The following MTSS1 variants were observed in gnomAD, a reference collection of about 807,000 sequenced individuals.
The protein encoded by MTSS1 is protein MTSS 1.
MTSS1 carries 18 observed loss-of-function variants against 79.0 expected under a neutral mutation model. The observed-to-expected ratio is 0.23, with a 90% confidence interval of 0.16 to 0.34. The LOEUF (loss-of-function observed/expected upper bound fraction) is 0.34, where lower values mean the gene tolerates loss of function less well. Among genes scored for constraint, MTSS1 ranks in the 10% least tolerant of loss-of-function variants. The pLI is 1.00. For missense variants in MTSS1, 815 were observed against 986.2 expected (o/e 0.83, Z 2.33); for synonymous variants, 341 against 368.6 (o/e 0.93, Z 0.86).
At chr8:124,725,608 T>A (rs1456337092) in intron 1 of MTSS1, among the ~76,000 whole-genome samples, 2 of 151,872 alleles carry the variant, frequency 1.3e-5, no homozygotes, top group Non-Finnish European at 2.9e-5. Flanking sequence ...ATTATGGGAG[T>A]TTAAAGAAGA....
chr8:124,679,423 C>A (rs1157514476), intron 3 of MTSS1, among the ~76,000 whole-genome samples: 1 of 152,158 alleles, frequency 6.6e-6, no homozygotes, highest in East Asian at 1.9e-4. Flanking sequence ...TACTGATGCC[C>A]AAGTCCCATC....
At position 124,720,464 on chromosome 8, in the gene MTSS1, C is replaced by A. The variant is rs1832742542; in HGVS notation, c.72+7420G>T. 2.0e-5 allele frequency among the ~76,000 whole-genome samples: 3 copies of A among 152,240 alleles called. No homozygotes were observed. The South Asian group carries it at 6.2e-4, about 32-fold the overall frequency. Reference sequence around the variant, plus strand: ...AAAGGATGTAGATGGGAAAAGATGACCCTAATAAAGCAACTTTCCCTCCCC... The same window carrying A: ...AAAGGATGTAGATGGGAAAAGATGAACCTAATAAAGCAACTTTCCCTCCCC... On this transcript the variant is annotated intron_variant, in intron 1 of 13. Coordinates refer to ENST00000518547, the MANE Select transcript of MTSS1 (RefSeq NM_014751.6).
intron 3 of MTSS1, among the ~76,000 whole-genome samples, chr8:124,638,953 GA>G (rs1817524513): frequency 6.6e-6 from 1 of 152,218 alleles, no homozygotes; most frequent in Non-Finnish European, 1.5e-5. Context: ...TCAAAAGGCT[GA>G]ACTGGCAAGC....
In MTSS1 at chr8:124,568,362, G is replaced by A; in HGVS notation, c.618+17C>T. ...ACACCAGCAGTTTAAACCTTCTGGA[G>A]TTTTCCATTAACTTACAATCACTGG... On this transcript the variant is annotated intron_variant, in intron 7 of 13. Coordinates refer to ENST00000518547, the MANE Select transcript of MTSS1 (RefSeq NM_014751.6). 6.2e-7 allele frequency: 1 copy of A among 1,609,076 alleles called. No homozygotes were observed. Among genetic ancestry groups the A allele is most frequent in the South Asian group, 1.1e-5 (1 of 90,808 alleles).
rs1261185150 is a variant in MTSS1, at chr8:124,553,835, C to T, written c.1568-143G>A. The T allele has an allele frequency of 2.8e-6, 2 of 720,596 alleles. No individual in the cohort carries two copies. The highest frequency in any genetic ancestry group is 5.4e-5 in the East Asian group (2 of 36,812). The allele number at this position is 720,596 out of a possible 1,614,324, so 44.6% of individuals were successfully genotyped here. A position where few individuals can be genotyped will look rare whatever the true frequency, so the allele number is the denominator to read the frequency against. On this transcript the variant is annotated intron_variant, in intron 13 of 13. Transcript: ENST00000518547. This position sits in a 1 kb window ranked among gnomAD's most constrained non-coding sequence, Gnocchi z 6.0. The stretch of plus-strand genomic sequence containing the variant: ...TTCCCCCAGGCTTCTCTACCATCTT[C>T]AGAAAGCCTCACCAACTAAGAACTC...
chr8:124,677,498 T>C (rs987634322), intron 3 of MTSS1, among the ~76,000 whole-genome samples: 1 of 152,230 alleles, frequency 6.6e-6, no homozygotes, highest in East Asian at 1.9e-4. Flanking sequence ...ACTCTTACAT[T>C]TGAAATTCAT....
chr8:124,695,867 GT>G lies in MTSS1; in HGVS notation c.208+3658del, dbSNP rs1337150313. Among the ~76,000 whole-genome samples, 11 of 102,688 alleles carry G rather than the reference GT, an allele frequency of 1.1e-4. No individual in the cohort carries two copies. The South Asian group carries it at 1.1e-3, about 11-fold the overall frequency. 67.4% of individuals were successfully genotyped at this position (102,688 alleles called of 152,430 possible). A position where few individuals can be genotyped will look rare whatever the true frequency, so the allele number is the denominator to read the frequency against. On this transcript the variant is annotated intron_variant, in intron 3 of 13. Transcript: ENST00000518547. ...CCACATATTGTGGAAAACTAGTGTT[GT>G]TTTTTTTTTTTCCTCCCAGCATGTT...
chr8:124,590,761 A>T (rs1013396032), intron 4 of MTSS1, among the ~76,000 whole-genome samples: 4 of 152,222 alleles, frequency 2.6e-5, no homozygotes, highest in African/African-American at 7.2e-5. Context: ...CACATCCCTC[A>T]GTGAGTCTGG....
intron 3 of MTSS1, among the ~76,000 whole-genome samples, chr8:124,638,736 C>T (rs890481342): frequency 5.3e-5 from 8 of 152,176 alleles, no homozygotes; most frequent in African/African-American, 7.2e-5. Flanking sequence ...CCATCACAGA[C>T]GCATTTCCCA....
intron 3 of MTSS1, among the ~76,000 whole-genome samples, chr8:124,672,736 G>T (rs1340866238): frequency 6.6e-6 from 1 of 152,134 alleles, no homozygotes; most frequent in Non-Finnish European, 1.5e-5. Context: ...GTTGAGCCAG[G>T]AAAGGCAAGG....
chr8:124,718,089 A>C (rs1832361114), intron 1 of MTSS1, among the ~76,000 whole-genome samples: 1 of 152,178 alleles, frequency 6.6e-6, no homozygotes, highest in Non-Finnish European at 1.5e-5. Context: ...CTTTGCTGAA[A>C]ATGTGCGAGC....
chr8:124,590,983 G>T (rs555394901), intron 4 of MTSS1, among the ~76,000 whole-genome samples, 168 bp downstream of exon 4: 23 of 151,482 alleles, frequency 1.5e-4, no homozygotes, highest in African/African-American at 5.3e-4. Context: ...CACCCCCAGG[G>T]CCTCGACCAG....
rs143860749 is a variant in MTSS1, at chr8:124,553,519, T to C, written c.1741A>G (p.Met581Val). The C allele has an allele frequency of 4.0e-5, 64 of 1,613,928 alleles. No individual in the cohort carries two copies. The highest frequency in any genetic ancestry group is 5.2e-5 in the Non-Finnish European group (61 of 1,180,002). Reference protein sequence around the residue: ...AGLPTTLGPAMVTPGVATIRR... With the variant: ...AGLPTTLGPAVVTPGVATIRR... ...ATAGTTGCAACCCCTGGAGTGACCA[T>C]AGCAGGTCCCAGGGTGGTGGGGAGG... Residue 581 changes from methionine to valine, a missense_variant, in exon 14 of 14, where the codon ATG becomes GTG. Transcript: ENST00000518547. The surrounding 1 kb of genome is among the most constrained non-coding windows in gnomAD (Gnocchi z 6.0).
At position 124,552,810 on chromosome 8, in the gene MTSS1, A is replaced by G; in HGVS notation, c.*182T>C. On this transcript the variant is annotated 3_prime_UTR_variant, in exon 14 of 14. Coordinates refer to ENST00000518547, the MANE Select transcript of MTSS1 (RefSeq NM_014751.6). ...TCAATATTTACAAATTAAAAGATCA[A>G]GATTATGTCAGTTACATAGGTTGGT... 1.9e-6 allele frequency: 1 copy of G among 535,634 alleles called. No individual in the cohort carries two copies. Among genetic ancestry groups the G allele is most frequent in the Non-Finnish European group, 3.2e-6 (1 of 309,284 alleles). 33.2% of individuals were successfully genotyped at this position (535,634 alleles called of 1,614,324 possible).
intron 3 of MTSS1, among the ~76,000 whole-genome samples, chr8:124,686,027 TG>T (rs1404927740): frequency 6.6e-6 from 1 of 152,226 alleles, no homozygotes; most frequent in African/African-American, 2.4e-5. Flanking sequence ...CACAGCTGCC[TG>T]GGTTTACAAT....
chr8:124,651,231 C>A (rs1322652217), intron 3 of MTSS1, among the ~76,000 whole-genome samples: 1 of 152,174 alleles, frequency 6.6e-6, no homozygotes, highest in Non-Finnish European at 1.5e-5. Flanking sequence ...AAGCCCCATG[C>A]AACAATGACA....
intron 3 of MTSS1, among the ~76,000 whole-genome samples, chr8:124,592,890 G>C (rs905246306): frequency 2.6e-5 from 4 of 152,150 alleles, no homozygotes; most frequent in African/African-American, 9.7e-5. Context: ...CTCACCTCCA[G>C]ACTTGTGATC....
At position 124,605,567 on chromosome 8, in the gene MTSS1, GCTGCCTCCCTCCCTGCCCTCT is replaced by G. The variant is rs1563842697; in HGVS notation, c.209-14353_209-14333del. Among the ~76,000 whole-genome samples, 186 of 129,768 alleles carry G rather than the reference GCTGCCTCCCTCCCTGCCCTCT, an allele frequency of 1.4e-3. 2 individuals carry two copies. Among genetic ancestry groups the G allele is most frequent in the African/African-American group, 5.4e-3 (175 of 32,442 alleles). The allele number at this position is 129,768 out of a possible 152,430, so 85.1% of individuals were successfully genotyped here. On this transcript the variant is annotated intron_variant, in intron 3 of 13. Transcript: ENST00000518547. ...GCACTGCCTCCCTCCCTGCCCTCTC[GCTGCCTCCCTCCCTGCCCTCT>G]CGCTGCCTCCCTCCCTGCCCTCGCG...
At chr8:124,568,842 C>A (rs1480267411) in intron 6 of MTSS1, 2 of 1,436,708 alleles carry the variant, frequency 1.4e-6, no homozygotes, top group Non-Finnish European at 9.1e-7. Context: ...CCAACACAAC[C>A]CTGGAACACA....
Sources: allele counts gnomAD v4.1 joint callset (sites outside exome capture counted in the v4.1 genomes callset), GRCh38; gene constraint gnomAD v4.1.1; non-coding constraint Gnocchi (gnomAD v3.1); transcripts MANE v1.5; gene names NCBI Gene and HGNC (gene_info 2026-07-23, HGNC 2026-07-21).